The following SNX19 variants were observed in gnomAD, a reference collection of about 807,000 sequenced individuals.
SNX19 encodes the protein sorting nexin-19.
A neutral mutation model predicts 85.2 loss-of-function variants in SNX19; 60 were observed. The ratio of observed to expected loss-of-function variants is 0.70; its 90% CI spans 0.57 to 0.87. The LOEUF (loss-of-function observed/expected upper bound fraction) is 0.87. Among genes scored for constraint, SNX19 ranks in the 40% least tolerant of loss-of-function variants. SNX19 has a pLI of 0.00. For missense variants in SNX19, 1,201 were observed against 1,217.8 expected (o/e 0.99, Z 0.21); for synonymous variants, 520 against 470.0 (o/e 1.11, Z -1.38).
chr11:130,905,540 G>C, intron 7 of SNX19: 1 of 722,406 alleles, frequency 1.4e-6, no homozygotes, highest in South Asian at 2.0e-5. Context: ...TCAAGCTCTG[G>C]CAGGTGGATC....
chr11:130,889,176 CCT>C (rs1361520401), intron 8 of SNX19, among the ~76,000 whole-genome samples: 1 of 151,938 alleles, frequency 6.6e-6, no homozygotes, highest in African/African-American at 2.4e-5. Context: ...CTTACTGGAC[CCT>C]GTTCTTACTA....
intron 8 of SNX19, among the ~76,000 whole-genome samples, chr11:130,899,083 G>A (rs771080624): frequency 4.6e-5 from 7 of 152,162 alleles, no homozygotes; most frequent in Admixed American, 4.6e-4. Flanking sequence ...TCATAGTACC[G>A]CTTTCGCAGG....
At position 130,880,622 on chromosome 11, in the gene SNX19, C is replaced by G; in HGVS notation, c.2758G>C (p.Asp920His). 6.3e-7 allele frequency: 1 copy of G among 1,588,080 alleles called. No homozygotes were observed. Among genetic ancestry groups the G allele is most frequent in the South Asian group, 1.1e-5 (1 of 89,318 alleles). Residue 920 changes from aspartate (D) to histidine (H), a missense_variant and splice_region_variant, in exon 9 of 11, where the codon GAT (aspartate) becomes CAT (histidine). By Grantham distance (81) the Asp-to-His change is moderately conservative. Transcript: ENST00000265909. ...ALQSLMGVLPDLVVEILGVNK... is the reference protein window; with the variant it reads ...ALQSLMGVLPHLVVEILGVNK... ...TAATTGATCTCATTGGTCCAATTAC[C>G]TGGGAGGACTCCCATCAGGCTCTGC...
Position 130,911,570 on chromosome 11 carries a change from G to A in SNX19, c.1813+63C>T, listed in dbSNP as rs573497978. The A allele has an allele frequency of 1.4e-5, 23 of 1,605,804 alleles. No homozygotes were observed. The African/African-American group carries it at 2.7e-4, about 19-fold the overall frequency. ...CCCCGATCCCTCCCATAAACCAACA[G>A]GCCAATCAGCGTGGCTCGACGTGGG... is the stretch of plus-strand genomic sequence containing the variant. On this transcript the variant is annotated intron_variant, in intron 2 of 10. Coordinates refer to ENST00000265909, the MANE Select transcript of SNX19 (RefSeq NM_014758.3).
chr11:130,882,931 G>A (rs1016531062), intron 8 of SNX19, among the ~76,000 whole-genome samples: 1 of 152,190 alleles, frequency 6.6e-6, no homozygotes, highest in Non-Finnish European at 1.5e-5. Context: ...GACTGAACAT[G>A]TTGTAACATG....
chr11:130,913,863 C>G (rs1480660572), intron 1 of SNX19, among the ~76,000 whole-genome samples: 3 of 151,924 alleles, frequency 2.0e-5, no homozygotes, highest in Non-Finnish European at 2.9e-5. Flanking sequence ...TTAGGACAGG[C>G]TGACTCTATG....
Position 130,916,112 on chromosome 11 carries a change from C to T in SNX19, c.-173G>A. The T allele has an allele frequency of 1.6e-6, 1 of 611,942 alleles. No homozygotes were observed. Among genetic ancestry groups the T allele is most frequent in the Non-Finnish European group, 2.9e-6 (1 of 348,238 alleles). The allele number at this position is 611,942 out of a possible 1,614,324, so 37.9% of individuals were successfully genotyped here. Reference sequence around the variant, plus strand: ...AGGCACTGCAAAGCGACAGCTGCAGCTCCGCGTCTCCCCATGGCTACCACT... The same window carrying T: ...AGGCACTGCAAAGCGACAGCTGCAGTTCCGCGTCTCCCCATGGCTACCACT... On this transcript the variant is annotated 5_prime_UTR_variant, in exon 1 of 11. Coordinates refer to ENST00000265909, the MANE Select transcript of SNX19 (RefSeq NM_014758.3).
intron 8 of SNX19, among the ~76,000 whole-genome samples, chr11:130,894,350 A>C (rs1250901371): frequency 6.6e-6 from 1 of 152,198 alleles, no homozygotes; most frequent in Admixed American, 6.5e-5. Context: ...CATCCACACC[A>C]CTCAGAGAAG....
chr11:130,900,285 G>T (rs1456795352), intron 8 of SNX19, among the ~76,000 whole-genome samples: 1 of 152,144 alleles, frequency 6.6e-6, no homozygotes, highest in South Asian at 2.1e-4. Context: ...CAGCCTGGGC[G>T]ACAGAATGAA....
In SNX19 at chr11:130,867,201, G is replaced by A. The variant is rs1942803018; in HGVS notation, c.*11221C>T. 1 of 152,222 alleles carries A rather than the reference G, an allele frequency of 6.6e-6. No homozygotes were observed. Among genetic ancestry groups the A allele is most frequent in the Non-Finnish European group, 1.5e-5 (1 of 68,046 alleles). 9.4% of individuals were successfully genotyped at this position (152,222 alleles called of 1,614,324 possible). A position where few individuals can be genotyped will look rare whatever the true frequency, so the allele number is the denominator to read the frequency against. ...CCTCTTCAGTAAAATGAGGACATGA[G>A]TATTAATAACTTGCCAAATTACCTT... On this transcript the variant is annotated 3_prime_UTR_variant, in exon 11 of 11. Coordinates refer to ENST00000265909, the MANE Select transcript of SNX19 (RefSeq NM_014758.3).
intron 7 of SNX19, among the ~76,000 whole-genome samples, chr11:130,905,322 T>C (rs1472862081): frequency 1.3e-5 from 2 of 149,432 alleles, no homozygotes; most frequent in Non-Finnish European, 3.0e-5. Flanking sequence ...GCCATGGCAG[T>C]AAATAAAGAT....
Position 130,915,094 on chromosome 11 carries a change from G to T in SNX19, c.846C>A (p.Pro282=). The change falls in exon 1 of 11, where the codon CCC becomes CCA. Residue 282 remains proline (P), a synonymous_variant. Transcript: ENST00000265909. ...GAGATGTCGGCACTGAGGGCTGTTC[G>T]GGGGCACTGGCTGGGCAGGGTGCTG... ...RDPAPCPASA[P]EQPSVPTSLP... 2 of 1,613,644 alleles carry T rather than the reference G, an allele frequency of 1.2e-6. No individual in the cohort carries two copies. The highest frequency in any genetic ancestry group is 1.7e-6 in the Non-Finnish European group (2 of 1,179,662).
chr11:130,904,514 T>C (rs1259626233), intron 7 of SNX19, among the ~76,000 whole-genome samples: 2 of 152,246 alleles, frequency 1.3e-5, no homozygotes, highest in East Asian at 1.9e-4. Flanking sequence ...TTCTCAAAGA[T>C]GGAATATTGC....
In SNX19 at chr11:130,916,086, CA is replaced by C; in HGVS notation, c.-148del. On this transcript the variant is annotated 5_prime_UTR_variant, in exon 1 of 11. An upstream open reading frame in the 5' UTR loses its in-frame stop. Transcript: ENST00000265909. ...GGGGCTCCAGGCCCTCAAAGTCCTA[CA>C]GGCACTGCAAAGCGACAGCTGCAGC... The C allele has an allele frequency of 3.0e-6, 2 of 677,024 alleles. No individual in the cohort carries two copies. The highest frequency in any genetic ancestry group is 5.0e-6 in the Non-Finnish European group (2 of 402,826). The allele number at this position is 677,024 out of a possible 1,614,324, so 41.9% of individuals were successfully genotyped here. A position where few individuals can be genotyped will look rare whatever the true frequency, so the allele number is the denominator to read the frequency against.
At chr11:130,888,099 CAA>C (rs199735794) in intron 8 of SNX19, among the ~76,000 whole-genome samples, 57,841 of 142,376 alleles carry the variant, frequency 0.41, 11,298 homozygotes, top group South Asian at 0.55. Context: ...AGGTACATTA[CAA>C]AAAAAAAAAA....
intron 8 of SNX19, among the ~76,000 whole-genome samples, chr11:130,898,006 C>CT (rs1274404820): frequency 6.6e-6 from 1 of 152,102 alleles, no homozygotes; most frequent in Non-Finnish European, 1.5e-5. Context: ...TTAACAATGC[C>CT]TTTTTTGGGC....
chr11:130,889,551 G>A (rs1042139579), intron 8 of SNX19, among the ~76,000 whole-genome samples: 18 of 152,212 alleles, frequency 1.2e-4, no homozygotes, highest in East Asian at 3.9e-4. Context: ...ACCTTCAGGC[G>A]TGAATTTTAA....
At position 130,911,635 on chromosome 11, in the gene SNX19, T is replaced by A; in HGVS notation, c.1811A>T (p.Lys604Ile). 1 of 1,614,142 alleles carries A rather than the reference T, an allele frequency of 6.2e-7. No homozygotes were observed. Among genetic ancestry groups the A allele is most frequent in the Non-Finnish European group, 8.5e-7 (1 of 1,180,012 alleles). ...EEKPDLRKFI[K>I]NVKGPKKLFP... ...TAGGGGTTGGGGAAACTCCTGACTT[T>A]TGATGAACTTTCGTAGATCTGGTTT... Residue 604 changes from lysine to isoleucine, a missense_variant and splice_region_variant, in exon 2 of 11, where the codon AAA becomes ATA. Around this residue, in one of 3 missense-constraint regions of SNX19, gnomAD observed 791 missense variants for 750.9 expected, o/e 1.05. Transcript: ENST00000265909.
At chr11:130,880,480 G>A (rs1172891544) in intron 9 of SNX19, 142 bp downstream of exon 9, 1 of 702,646 alleles carries the variant, frequency 1.4e-6, no homozygotes. Flanking sequence ...CTATTAGCCT[G>A]GGAAATGATG....
Sources: gnomAD v4.1 joint callset for allele counts (sites outside exome capture counted in the v4.1 genomes callset) on GRCh38, gnomAD v4.1.1 for gene constraint, gnomAD v4.1.1 regional missense constraint, MANE v1.5 for transcripts, NCBI Gene and HGNC (gene_info 2026-07-23, HGNC 2026-07-21) for gene names.